Variants in UBE2G1 observed in about 807,000 individuals in gnomAD.
The protein encoded by UBE2G1 is ubiquitin-conjugating enzyme E2 G1.
A neutral mutation model predicts 22.7 loss-of-function variants in UBE2G1; 5 were observed. The observed-to-expected ratio is 0.22, with a 90% CI of 0.12 to 0.46. The LOEUF (loss-of-function observed/expected upper bound fraction) is 0.46. Ranked by LOEUF, UBE2G1 falls within the 20% of genes least tolerant of loss-of-function variation. UBE2G1 has a pLI of 0.99. For synonymous variants in UBE2G1, 74 were observed against 67.5 expected (o/e 1.10, Z -0.47); for missense variants, 88 against 203.9 (o/e 0.43, Z 3.46).
intron 1 of UBE2G1, among the ~76,000 whole-genome samples, chr17:4,331,255 G>T (rs567382337): frequency 1.3e-5 from 2 of 152,072 alleles, no homozygotes; most frequent in African/African-American, 4.8e-5. Flanking sequence ...AAATTTATCC[G>T]AAGAGAAATA....
chr17:4,284,307 A>C (rs1968932481), intron 4 of UBE2G1, among the ~76,000 whole-genome samples: 2 of 152,062 alleles, frequency 1.3e-5, no homozygotes. Flanking sequence ...TACTATAATT[A>C]GAACCGCTAG....
At chr17:4,357,534 CTA>C (rs1408087551) in intron 1 of UBE2G1, among the ~76,000 whole-genome samples, 1 of 126,084 alleles carries the variant, frequency 7.9e-6, no homozygotes, top group African/African-American at 3.3e-5. Context: ...GTGTATAACT[CTA>C]TGCAATTTTA....
At chr17:4,278,748 A>G (rs1280921401) in intron 5 of UBE2G1, among the ~76,000 whole-genome samples, 2 of 152,240 alleles carry the variant, frequency 1.3e-5, no homozygotes, top group East Asian at 1.9e-4. Flanking sequence ...GAAAATAGGA[A>G]TAATTTTTAG....
intron 2 of UBE2G1, among the ~76,000 whole-genome samples, chr17:4,299,776 T>C (rs140860873): frequency 2.0e-3 from 306 of 152,152 alleles, no homozygotes; most frequent in African/African-American, 6.9e-3. Flanking sequence ...CCTCTTCTTC[T>C]ATTTTACCTG....
intron 5 of UBE2G1, 96 bp downstream of exon 5, chr17:4,282,702 G>GA: frequency 1.3e-6 from 1 of 775,668 alleles, no homozygotes; most frequent in Non-Finnish European, 2.1e-6. Flanking sequence ...TGAAGTCAAT[G>GA]AAAAAATGTA....
intron 5 of UBE2G1, among the ~76,000 whole-genome samples, chr17:4,273,023 T>C (rs1968778825): frequency 6.6e-6 from 1 of 152,240 alleles, no homozygotes; most frequent in Non-Finnish European, 1.5e-5. Flanking sequence ...TAACTCACTA[T>C]AGCTCCCTTC....
chr17:4,289,931 T>C lies in UBE2G1; in HGVS notation c.248-523A>G, dbSNP rs182375851. Reference sequence around the variant, plus strand: ...TTGTATTTTCTGAGAAAGGAGTATATTCAAATTCACAAAACAAACATGCCA... The same window carrying C: ...TTGTATTTTCTGAGAAAGGAGTATACTCAAATTCACAAAACAAACATGCCA... On this transcript the variant is annotated intron_variant, in intron 3 of 5. Transcript: ENST00000396981. Among the ~76,000 whole-genome samples the C allele has an allele frequency of 7.6e-4, 115 of 152,304 alleles. 3 individuals carry two copies. In the East Asian group the frequency reaches 0.015, roughly 20 times the overall value.
At chr17:4,360,254 G>A (rs1400990927) in intron 1 of UBE2G1, among the ~76,000 whole-genome samples, 1 of 152,018 alleles carries the variant, frequency 6.6e-6, no homozygotes, top group Non-Finnish European at 1.5e-5. Flanking sequence ...CTAAAAAAAA[G>A]GTTTCAATAA....
At position 4,302,055 on chromosome 17, in the gene UBE2G1, G is replaced by C. The variant is rs879444022; in HGVS notation, c.149+4966C>G. The C allele has an allele frequency of 5.8e-5, 29 of 499,848 alleles. No homozygotes were observed. In the Admixed American group the frequency reaches 6.3e-4, roughly 11 times the overall value. The allele number at this position is 499,848 out of a possible 1,614,324, so 31.0% of individuals were successfully genotyped here. A position where few individuals can be genotyped will look rare whatever the true frequency, so the allele number is the denominator to read the frequency against. ...ACAACAACAACAAAAAAAGGGGGGGGAAGTTTTTACATTAACTGATGTAAA... is the reference window on the plus strand; with the variant it reads ...ACAACAACAACAAAAAAAGGGGGGGCAAGTTTTTACATTAACTGATGTAAA... On this transcript the variant is annotated intron_variant, in intron 2 of 5. Coordinates refer to ENST00000396981, the MANE Select transcript of UBE2G1 (RefSeq NM_003342.5).
chr17:4,292,183 G>A (rs551810957), intron 3 of UBE2G1, among the ~76,000 whole-genome samples: 2 of 151,652 alleles, frequency 1.3e-5, no homozygotes, highest in East Asian at 3.9e-4. Context: ...AGAATTAGCC[G>A]GGCTTGGTGG....
intron 2 of UBE2G1, among the ~76,000 whole-genome samples, chr17:4,304,916 G>C (rs972017428): frequency 1.3e-5 from 2 of 150,680 alleles, no homozygotes; most frequent in South Asian, 4.2e-4. Flanking sequence ...ATAATTACAA[G>C]AACCTCACTA....
chr17:4,333,944 G>A (rs1178409009), intron 1 of UBE2G1, among the ~76,000 whole-genome samples: 1 of 152,038 alleles, frequency 6.6e-6, no homozygotes, highest in Non-Finnish European at 1.5e-5. Flanking sequence ...GAAGACCAGG[G>A]GGCTTATCAC....
intron 1 of UBE2G1, among the ~76,000 whole-genome samples, chr17:4,354,778 T>C (rs142704436): frequency 6.6e-6 from 1 of 151,218 alleles, no homozygotes; most frequent in Non-Finnish European, 1.5e-5. Flanking sequence ...CAAAAAAAAA[T>C]TTTTTTTAAT....
intron 1 of UBE2G1, among the ~76,000 whole-genome samples, chr17:4,333,911 C>T (rs928328787): frequency 3.3e-5 from 5 of 152,176 alleles, no homozygotes; most frequent in African/African-American, 1.2e-4. Context: ...TCACAGTTTT[C>T]ACTATTCCCT....
At chr17:4,310,130 C>T (rs1201014680) in intron 1 of UBE2G1, among the ~76,000 whole-genome samples, 1 of 152,192 alleles carries the variant, frequency 6.6e-6, no homozygotes, top group Admixed American at 6.5e-5. Context: ...TAGAACCTTA[C>T]CATGCCTTCA....
At chr17:4,326,556 C>T (rs1464546562) in intron 1 of UBE2G1, among the ~76,000 whole-genome samples, 1 of 152,176 alleles carries the variant, frequency 6.6e-6, no homozygotes, top group Non-Finnish European at 1.5e-5. Flanking sequence ...TTAGAATTAC[C>T]ATATGATCCA....
intron 1 of UBE2G1, among the ~76,000 whole-genome samples, chr17:4,325,975 A>C (rs954703765): frequency 6.6e-6 from 1 of 152,212 alleles, no homozygotes; most frequent in Non-Finnish European, 1.5e-5. Context: ...CTCTAAATGA[A>C]CTGAAAACTT....
rs191548738 is a variant in UBE2G1 at position 4,272,329 on chromosome 17, A to G, written c.*225T>C. ...TACAATTCTTCCTGAAGGTTAAAAC[A>G]GTTCATTAGAATTCAAAATGCGTAA... is the stretch of plus-strand genomic sequence containing the variant. On this transcript the variant is annotated 3_prime_UTR_variant, in exon 6 of 6. Coordinates refer to ENST00000396981, the MANE Select transcript of UBE2G1 (RefSeq NM_003342.5). 1.2e-4 allele frequency: 20 copies of G among 171,498 alleles called. No homozygotes were observed. Among genetic ancestry groups the G allele is most frequent in the Non-Finnish European group, 1.1e-4 (9 of 80,208 alleles). The allele number at this position is 171,498 out of a possible 1,614,324, so 10.6% of individuals were successfully genotyped here.
intron 2 of UBE2G1, chr17:4,302,479 C>T (rs1969195983): frequency 2.1e-6 from 1 of 483,138 alleles, no homozygotes; most frequent in Non-Finnish European, 4.2e-6. Flanking sequence ...TGGCTTCACG[C>T]ACTCCATTCA....
Sources: allele counts gnomAD v4.1 joint callset (sites outside exome capture counted in the v4.1 genomes callset), GRCh38; gene constraint gnomAD v4.1.1; transcripts MANE v1.5; gene names NCBI Gene and HGNC (gene_info 2026-07-23, HGNC 2026-07-21).